SEMA3E: variants seen among roughly 807,000 people sequenced by gnomAD.
The protein encoded by SEMA3E is semaphorin-3E.
A neutral mutation model predicts 93.6 loss-of-function variants in SEMA3E; 49 were observed. The ratio of observed to expected loss-of-function variants is 0.52; its 90% CI spans 0.42 to 0.66. The LOEUF (loss-of-function observed/expected upper bound fraction) is 0.66. SEMA3E is among the 30% of genes least tolerant of loss of function. The pLI, the probability that SEMA3E is intolerant of heterozygous loss-of-function variation, is 0.00. For missense variants in SEMA3E, 906 were observed against 964.8 expected (o/e 0.94, Z 0.81); for synonymous variants, 363 against 330.7 (o/e 1.10, Z -1.06).
At chr7:83,505,457 AC>A (rs1224641963) in intron 1 of SEMA3E, among the ~76,000 whole-genome samples, 6 of 152,164 alleles carry the variant, frequency 3.9e-5, no homozygotes, top group African/African-American at 1.4e-4. Flanking sequence ...TCCCAAAATT[AC>A]CACTGAATAT....
chr7:83,648,318 A>T, intron 1 of SEMA3E, 110 bp downstream of exon 1: 1 of 761,284 alleles, frequency 1.3e-6, no homozygotes, highest in Non-Finnish European at 2.2e-6. Context: ...GGTGCATTTT[A>T]AAGGTCTTTG....
intron 1 of SEMA3E, among the ~76,000 whole-genome samples, chr7:83,546,540 C>T (rs1250461192): frequency 1.3e-5 from 2 of 151,904 alleles, no homozygotes; most frequent in Non-Finnish European, 2.9e-5. Context: ...AACAATTTTA[C>T]TCAAGACAAA....
intron 1 of SEMA3E, among the ~76,000 whole-genome samples, chr7:83,547,910 G>T (rs901251500): frequency 2.6e-5 from 4 of 152,058 alleles, no homozygotes; most frequent in African/African-American, 9.7e-5. Context: ...TCTTTCAACA[G>T]AAAATAAATA....
chr7:83,519,395 T>C (rs1452603241), intron 1 of SEMA3E, among the ~76,000 whole-genome samples: 1 of 152,152 alleles, frequency 6.6e-6, no homozygotes, highest in African/African-American at 2.4e-5. Context: ...CAAAAAAGTT[T>C]ACATTGTTTT....
chr7:83,384,026 T>C (rs1421681444), intron 16 of SEMA3E, among the ~76,000 whole-genome samples: 1 of 152,056 alleles, frequency 6.6e-6, no homozygotes, highest in Admixed American at 6.6e-5. Flanking sequence ...TTTATTCTTA[T>C]GACATCATGA....
chr7:83,628,179 G>A (rs756001749), intron 1 of SEMA3E, among the ~76,000 whole-genome samples: 1 of 152,190 alleles, frequency 6.6e-6, no homozygotes, highest in Non-Finnish European at 1.5e-5. Flanking sequence ...CTTCTGCAGA[G>A]ATCTGCTGTT....
intron 1 of SEMA3E, among the ~76,000 whole-genome samples, chr7:83,502,584 A>C (rs554127520): frequency 6.7e-6 from 1 of 148,708 alleles, no homozygotes; most frequent in African/African-American, 2.5e-5. Flanking sequence ...AAGCCCTCCC[A>C]GTCTTAAGAA....
intron 1 of SEMA3E, among the ~76,000 whole-genome samples, chr7:83,620,052 TCTTTATTTAA>T (rs1793519114): frequency 6.6e-6 from 1 of 151,986 alleles, no homozygotes; most frequent in Non-Finnish European, 1.5e-5. Flanking sequence ...AATGATCTAT[TCTTTATTTAA>T]TAAGTCCTGG....
At chr7:83,596,837 T>A (rs1018894033) in intron 1 of SEMA3E, among the ~76,000 whole-genome samples, 2 of 152,144 alleles carry the variant, frequency 1.3e-5, no homozygotes, top group Non-Finnish European at 2.9e-5. Flanking sequence ...ATTAAAGTTG[T>A]CATAGGCACA....
chr7:83,466,551 G>A lies in SEMA3E; in HGVS notation c.387C>T (p.His129=). 6.2e-7 allele frequency: 1 copy of A among 1,613,902 alleles called. No individual in the cohort carries two copies. The highest frequency in any genetic ancestry group is 2.2e-5 in the East Asian group (1 of 44,872). The change falls in exon 4 of 17, where the codon CAC becomes CAT. Residue 129 remains histidine (H), a synonymous_variant. Transcript: ENST00000643230. ...AAGCTCCAGTACCACAGGTCAGAAGGTGTGTCCTGTTATAGTGATGCAAAA... is the reference window on the plus strand; with the variant it reads ...AAGCTCCAGTACCACAGGTCAGAAGATGTGTCCTGTTATAGTGATGCAAAA... ...VRVLHHYNRT[H]LLTCGTGAFD...
chr7:83,490,755 T>C (rs1790366640), intron 1 of SEMA3E, among the ~76,000 whole-genome samples: 1 of 152,052 alleles, frequency 6.6e-6, no homozygotes, highest in African/African-American at 2.4e-5. Context: ...GAGGCATTAA[T>C]GTGGTAACAG....
chr7:83,543,448 G>A (rs758886303), intron 1 of SEMA3E, among the ~76,000 whole-genome samples: 13 of 151,940 alleles, frequency 8.6e-5, no homozygotes, highest in Non-Finnish European at 1.3e-4. Flanking sequence ...CTGCCTATGT[G>A]TCCAGACTCA....
At chr7:83,371,106 A>C (rs1292036055) in intron 16 of SEMA3E, among the ~76,000 whole-genome samples, 1 of 152,204 alleles carries the variant, frequency 6.6e-6, no homozygotes, top group Non-Finnish European at 1.5e-5. Flanking sequence ...GTTTATTGAC[A>C]CAAAAATCAA....
At chr7:83,494,882 A>G (rs1359876742) in intron 1 of SEMA3E, among the ~76,000 whole-genome samples, 1 of 151,986 alleles carries the variant, frequency 6.6e-6, no homozygotes, top group East Asian at 1.9e-4. Context: ...CATAATTCAT[A>G]GATTGCTGGC....
chr7:83,464,528 C>A (rs1187551067), intron 4 of SEMA3E, among the ~76,000 whole-genome samples: 1 of 115,562 alleles, frequency 8.7e-6, no homozygotes, highest in Non-Finnish European at 1.9e-5. Flanking sequence ...CCACTCTTAA[C>A]CCTTGAAGTA....
chr7:83,443,930 T>C (rs1789173025), intron 4 of SEMA3E, among the ~76,000 whole-genome samples: 1 of 151,286 alleles, frequency 6.6e-6, no homozygotes, highest in African/African-American at 2.4e-5. Flanking sequence ...TATATATATA[T>C]ATATATATAT....
chr7:83,533,517 C>T (rs1212038940), intron 1 of SEMA3E, among the ~76,000 whole-genome samples: 1 of 151,896 alleles, frequency 6.6e-6, no homozygotes, highest in Non-Finnish European at 1.5e-5. Flanking sequence ...GCACTACGGC[C>T]TGGGCGACAG....
In SEMA3E at chr7:83,400,229, C is replaced by T; in HGVS notation, c.1165G>A (p.Gly389Arg). Residue 389 changes from glycine to arginine, a missense_variant, in exon 11 of 17, where the codon GGG becomes AGG. By Grantham distance (125) the Gly-to-Arg change is moderately radical. Coordinates refer to ENST00000643230, the MANE Select transcript of SEMA3E (RefSeq NM_012431.3). ...PGSCASKVNG[G>R]RYGTTKDYPD... ...TAGTCCTTGGTGGTTCCGTATCTCC[C>T]TCCATTTACTTTGCTGGCACACTGA... 3 of 1,613,880 alleles carry T rather than the reference C, an allele frequency of 1.9e-6. No homozygotes were observed. The highest frequency in any genetic ancestry group is 2.2e-5 in the South Asian group (2 of 91,070).
chr7:83,611,003 C>T (rs1324365100), intron 1 of SEMA3E, among the ~76,000 whole-genome samples: 1 of 151,782 alleles, frequency 6.6e-6, no homozygotes, highest in Non-Finnish European at 1.5e-5. Context: ...CCGAGTTCCC[C>T]CACCACCATC....
Sources: allele counts gnomAD v4.1 joint callset (sites outside exome capture counted in the v4.1 genomes callset), GRCh38; gene constraint gnomAD v4.1.1; transcripts MANE v1.5; gene names NCBI Gene and HGNC (gene_info 2026-07-23, HGNC 2026-07-21).